The following NCALD variants were observed in gnomAD, a reference collection of about 807,000 sequenced individuals.
The protein encoded by NCALD is neurocalcin-delta.
NCALD carries 10 observed loss-of-function variants against 18.6 expected under a neutral mutation model. That is an observed-to-expected ratio of 0.54 (90% CI 0.33 to 0.91). NCALD has a LOEUF of 0.91. Among genes scored for constraint, NCALD ranks in the 40% least tolerant of loss-of-function variants. NCALD has a pLI of 0.03. For synonymous variants in NCALD, 88 were observed against 87.4 expected (o/e 1.01, Z -0.04); for missense variants, 184 against 247.6 (o/e 0.74, Z 1.72).
intron 2 of NCALD, among the ~76,000 whole-genome samples, chr8:101,957,288 G>GTTTT (rs1563932101): frequency 1.6e-4 from 20 of 128,252 alleles, no homozygotes; most frequent in East Asian, 9.1e-4. Context: ...GAAAAGTTGG[G>GTTTT]GTTTTTTTTT....
chr8:101,731,516 T>C (rs1255145972), intron 1 of NCALD, among the ~76,000 whole-genome samples: 1 of 152,112 alleles, frequency 6.6e-6, no homozygotes, highest in African/African-American at 2.4e-5. Flanking sequence ...ATTCCACGCC[T>C]CACTCCCCGC....
chr8:101,873,803 C>T (rs1251579472), intron 4 of NCALD, among the ~76,000 whole-genome samples: 1 of 152,116 alleles, frequency 6.6e-6, no homozygotes, highest in East Asian at 1.9e-4. Context: ...AATCACCAGG[C>T]TAAGATTCAC....
intron 2 of NCALD, among the ~76,000 whole-genome samples, chr8:101,929,302 A>AG (rs1356179051): frequency 3.7e-5 from 2 of 53,724 alleles, no homozygotes; most frequent in African/African-American, 9.4e-5. Context: ...GGAGGGAGGA[A>AG]GAAAGGAAGG....
At chr8:101,942,069 T>TTAAAGTGAAGTGAAAAGGA (rs1179118998) in intron 2 of NCALD, among the ~76,000 whole-genome samples, 1 of 152,200 alleles carries the variant, frequency 6.6e-6, no homozygotes, top group Non-Finnish European at 1.5e-5. Flanking sequence ...AACACTTTAT[T>TTAAAGTGAAGTGAAAAGGA]TAAAGTGAAG....
intron 1 of NCALD, among the ~76,000 whole-genome samples, chr8:101,736,337 C>T (rs1469833703): frequency 6.6e-6 from 1 of 152,214 alleles, no homozygotes. Flanking sequence ...AGAGTGGTCA[C>T]AACACCTCTC....
chr8:102,084,715 G>T (rs941572695), intron 1 of NCALD, among the ~76,000 whole-genome samples: 1 of 152,102 alleles, frequency 6.6e-6, no homozygotes, highest in African/African-American at 2.4e-5. Context: ...CCACCATTTG[G>T]CCTCTTAGTC....
intron 4 of NCALD, among the ~76,000 whole-genome samples, chr8:101,864,404 T>C (rs1815672491): frequency 6.6e-6 from 1 of 152,128 alleles, no homozygotes; most frequent in South Asian, 2.1e-4. Flanking sequence ...TGGGATTAAT[T>C]ACGGATGGCT....
intron 1 of NCALD, among the ~76,000 whole-genome samples, chr8:101,764,010 ACACACC>A (rs151066362): frequency 0.41 from 42,226 of 101,892 alleles, 7,552 homozygotes; most frequent in South Asian, 0.51. Flanking sequence ...ACACACACAC[ACACACC>A]CCCTATTGGT....
intron 1 of NCALD, among the ~76,000 whole-genome samples, chr8:102,078,679 G>A (rs1254273034): frequency 6.6e-6 from 1 of 152,174 alleles, no homozygotes; most frequent in Non-Finnish European, 1.5e-5. Flanking sequence ...GTCTTCCCCA[G>A]ATCTTCGCAT....
At chr8:101,999,902 G>C (rs898808682) in intron 2 of NCALD, among the ~76,000 whole-genome samples, 1 of 152,138 alleles carries the variant, frequency 6.6e-6, no homozygotes, top group Non-Finnish European at 1.5e-5. Context: ...GAGAGTTGGG[G>C]GTGGAACCAA....
intron 3 of NCALD, among the ~76,000 whole-genome samples, chr8:101,888,921 A>C (rs78627184): frequency 0.016 from 2,473 of 152,280 alleles, 60 homozygotes; most frequent in African/African-American, 0.055. Context: ...TGCCTATCCA[A>C]TAACAAGTCT....
At chr8:102,097,674 C>T (rs1825147666) in intron 1 of NCALD, among the ~76,000 whole-genome samples, 2 of 152,216 alleles carry the variant, frequency 1.3e-5, no homozygotes, top group Non-Finnish European at 2.9e-5. Context: ...TTCAAAAGTA[C>T]CTCCTTATAC....
intron 3 of NCALD, among the ~76,000 whole-genome samples, chr8:101,903,128 C>A (rs780565830): frequency 1.1e-4 from 17 of 152,050 alleles, no homozygotes; most frequent in Non-Finnish European, 2.1e-4. Flanking sequence ...CAAATTAACA[C>A]TGAAAGGCTT....
At chr8:101,757,538 C>T (rs1810938507) in intron 1 of NCALD, among the ~76,000 whole-genome samples, 1 of 152,112 alleles carries the variant, frequency 6.6e-6, no homozygotes, top group Admixed American at 6.5e-5. Context: ...GGCTGTCATT[C>T]TTTTTATTCC....
chr8:102,076,089 A>G (rs1310535808), intron 1 of NCALD, among the ~76,000 whole-genome samples: 1 of 152,122 alleles, frequency 6.6e-6, no homozygotes, highest in Non-Finnish European at 1.5e-5. Context: ...GGAATATAAA[A>G]CTTGTGTATG....
chr8:101,870,896 C>CA, intron 4 of NCALD, among the ~76,000 whole-genome samples: 1 of 60,656 alleles, frequency 1.6e-5, no homozygotes, highest in South Asian at 9.4e-4. Flanking sequence ...CCACCGCCCC[C>CA]ACCCCCCCCC....
chr8:101,729,614 C>T (rs1238071558), intron 1 of NCALD, among the ~76,000 whole-genome samples: 1 of 152,146 alleles, frequency 6.6e-6, no homozygotes, highest in African/African-American at 2.4e-5. Flanking sequence ...GAGATGAGAA[C>T]TGAAATGGTA....
chr8:102,003,477 C>T (rs1476636227), intron 2 of NCALD, among the ~76,000 whole-genome samples: 1 of 152,216 alleles, frequency 6.6e-6, no homozygotes, highest in Non-Finnish European at 1.5e-5. Context: ...ACCATTCCTT[C>T]TGAAACTATT....
intron 3 of NCALD, among the ~76,000 whole-genome samples, chr8:101,890,860 CTTTTTCGACA>C (rs1443822997): frequency 6.6e-6 from 1 of 152,196 alleles, no homozygotes; most frequent in African/African-American, 2.4e-5. Flanking sequence ...ACAAACATGA[CTTTTTCGACA>C]TAGCAAAAAG....
Sources: gnomAD v4.1 joint callset for allele counts (sites outside exome capture counted in the v4.1 genomes callset) on GRCh38, gnomAD v4.1.1 for gene constraint, MANE v1.5 for transcripts, NCBI Gene and HGNC (gene_info 2026-07-23, HGNC 2026-07-21) for gene names.